The following ARHGEF37 variants were observed in gnomAD, a reference collection of about 807,000 sequenced individuals.
The protein encoded by ARHGEF37 is Rho guanine nucleotide exchange factor (GEF) 37.
In ARHGEF37, 55 loss-of-function variants were observed where a neutral mutation model predicts 71.1. The ratio of observed to expected loss-of-function variants is 0.77; its 90% CI spans 0.62 to 0.97. The LOEUF is 0.97. Ranked by LOEUF, ARHGEF37 falls within the 50% of genes least tolerant of loss-of-function variation. The pLI is 0.00. For missense variants in ARHGEF37, 765 were observed against 836.8 expected (o/e 0.91, Z 1.06); for synonymous variants, 327 against 350.6 (o/e 0.93, Z 0.75).
chr5:149,556,256 C>T (rs978751043), intron 1 of ARHGEF37, among the ~76,000 whole-genome samples: 7 of 152,270 alleles, frequency 4.6e-5, no homozygotes, highest in East Asian at 3.9e-4. Context: ...TACAGTGGCG[C>T]GATCTCAGCT....
chr5:149,558,695 G>A (rs1390544308), intron 1 of ARHGEF37, among the ~76,000 whole-genome samples: 2,435 of 15,616 alleles, frequency 0.16, 73 homozygotes, highest in African/African-American at 0.31. Context: ...ATATATATGT[G>A]TGTGTGTGTG....
At chr5:149,576,139 G>A (rs1272758955) in intron 1 of ARHGEF37, among the ~76,000 whole-genome samples, 4 of 152,188 alleles carry the variant, frequency 2.6e-5, no homozygotes, top group Non-Finnish European at 4.4e-5. Flanking sequence ...CAGCTGCTCT[G>A]GATGCCTAGG....
At chr5:149,585,965 T>C (rs77823588) in intron 1 of ARHGEF37, among the ~76,000 whole-genome samples, 4,204 of 152,332 alleles carry the variant, frequency 0.028, 184 homozygotes, top group African/African-American at 0.097. Context: ...GACAATTTGA[T>C]ATTTATTCTG....
At chr5:149,581,338 C>T (rs1763100980), upstream of ARHGEF37, 1 of 152,314 alleles carries the variant, frequency 6.6e-6, no homozygotes, top group South Asian at 2.1e-4. Flanking sequence ...CCAGCCAGGG[C>T]ACGGTTCCGA....
intron 1 of ARHGEF37, among the ~76,000 whole-genome samples, chr5:149,596,723 G>A (rs780623115): frequency 4.6e-5 from 7 of 152,296 alleles, no homozygotes; most frequent in Non-Finnish European, 7.4e-5. Context: ...AGTGAATGCT[G>A]GGGGATAGGA....
chr5:149,624,162 C>G, intron 10 of ARHGEF37, 22 bp downstream of exon 10: 1 of 1,593,694 alleles, frequency 6.3e-7, no homozygotes. Flanking sequence ...TCCTCCACCC[C>G]AAAGACTGTC....
At chr5:149,628,764 C>T (rs767791347) in intron 11 of ARHGEF37, 45 bp from the exon 12 acceptor site, 22 of 1,570,678 alleles carry the variant, frequency 1.4e-5, no homozygotes, top group East Asian at 4.6e-5. Context: ...TTAAAAGGGA[C>T]GGGAAGGTGG....
intron 12 of ARHGEF37, among the ~76,000 whole-genome samples, chr5:149,630,927 C>T (rs1752861245): frequency 6.6e-6 from 1 of 152,168 alleles, no homozygotes; most frequent in African/African-American, 2.4e-5. Flanking sequence ...ATTTATTGAG[C>T]CCTTGCTATG....
intron 1 of ARHGEF37, among the ~76,000 whole-genome samples, chr5:149,554,220 T>G (rs1246706284): frequency 6.6e-6 from 1 of 152,122 alleles, no homozygotes; most frequent in Non-Finnish European, 1.5e-5. Context: ...ATCCCAACAC[T>G]TTGGGAGGCC....
chr5:149,562,992 G>A (rs946714655), intron 1 of ARHGEF37, among the ~76,000 whole-genome samples: 3 of 152,120 alleles, frequency 2.0e-5, no homozygotes, highest in African/African-American at 7.2e-5. Flanking sequence ...GCCGCTTGGT[G>A]TTCCATCAGG....
At chr5:149,559,315 C>G (rs1319287346) in intron 1 of ARHGEF37, among the ~76,000 whole-genome samples, 1 of 152,146 alleles carries the variant, frequency 6.6e-6, no homozygotes, top group African/African-American at 2.4e-5. Context: ...AACAAGACTC[C>G]GTCTTGGCGG....
rs562324191 is a variant in ARHGEF37, at chr5:149,615,130, C to A, written c.459-1437C>A. 1.1e-4 allele frequency among the ~76,000 whole-genome samples: 16 copies of A among 152,190 alleles called. No individual in the cohort carries two copies. In the South Asian group the frequency reaches 3.1e-3, roughly 30 times the overall value. On this transcript the variant is annotated intron_variant, in intron 4 of 12. Transcript: ENST00000333677. ...GTGGTGTATCTGGAAGGGACCTTGG[C>A]ACCATTAGTTCCAGAGTTTTTTTTG...
At chr5:149,586,136 C>T (rs1355783163) in intron 1 of ARHGEF37, among the ~76,000 whole-genome samples, 1 of 152,152 alleles carries the variant, frequency 6.6e-6, no homozygotes, top group African/African-American at 2.4e-5. Context: ...CTGAGTCATA[C>T]AACAAATAGA....
exon 1 of ARHGEF37, chr5:149,552,091 C>T (rs908514117): frequency 1.3e-5 from 2 of 152,022 alleles, no homozygotes; most frequent in South Asian, 4.2e-4. Flanking sequence ...ATTATTGCCT[C>T]ACTACCACAT....
chr5:149,609,940 T>G (rs1184606655), intron 4 of ARHGEF37, among the ~76,000 whole-genome samples: 1 of 152,212 alleles, frequency 6.6e-6, no homozygotes, highest in African/African-American at 2.4e-5. Flanking sequence ...GGGGTTCTGC[T>G]CTTTGTCATC....
intron 1 of ARHGEF37, among the ~76,000 whole-genome samples, chr5:149,594,664 C>T (rs991512898): frequency 6.6e-6 from 1 of 152,144 alleles, no homozygotes; most frequent in Non-Finnish European, 1.5e-5. Context: ...ATCTTGCCTC[C>T]AAGAGCTTAG....
At chr5:149,579,530 A>G (rs1322254008), upstream of ARHGEF37, among the ~76,000 whole-genome samples, 1 of 152,080 alleles carries the variant, frequency 6.6e-6, no homozygotes, top group Non-Finnish European at 1.5e-5. Flanking sequence ...CTCTGCTTGA[A>G]TGTTTACTTT....
rs1054545923 is a variant in ARHGEF37, at chr5:149,565,965, T to G, written c.-12+13842T>G. Among the ~76,000 whole-genome samples, 3 of 149,150 alleles carry G rather than the reference T, an allele frequency of 2.0e-5. No homozygotes were observed. The South Asian group carries it at 6.6e-4, about 33-fold the overall frequency. On this transcript the variant is annotated intron_variant, in intron 1 of 2. Transcript: ENST00000505810. ...CCCAGGTACAAGCAATTCACCTGTC[T>G]CAGCCTGCCAAGTAGCTTGGATTAC...
chr5:149,577,141 T>TG (rs1763036690), upstream of ARHGEF37, among the ~76,000 whole-genome samples: 1 of 152,320 alleles, frequency 6.6e-6, no homozygotes, highest in South Asian at 2.1e-4. Flanking sequence ...TATATAATCT[T>TG]GGACAACTTA....
Sources: allele counts gnomAD v4.1 joint callset (sites outside exome capture counted in the v4.1 genomes callset), GRCh38; gene constraint gnomAD v4.1.1; transcripts MANE v1.5; gene names NCBI Gene and HGNC (gene_info 2026-07-23, HGNC 2026-07-21).